Variants in XXYLT1 observed in about 807,000 individuals in gnomAD.
XXYLT1 encodes the protein xyloside xylosyltransferase 1.
In XXYLT1, 20 loss-of-function variants were observed where a neutral mutation model predicts 28.9. The ratio of observed to expected loss-of-function variants is 0.69; its 90% confidence interval spans 0.49 to 1.00. The LOEUF is 1.00. XXYLT1 is among the 50% of genes least tolerant of loss of function. The probability of loss-of-function intolerance (pLI) is 0.00; values close to 1 mark genes in which losing one functional copy is unlikely to be tolerated. For synonymous variants in XXYLT1, 257 were observed against 253.8 expected, an observed-to-expected ratio of 1.01 and a Z score of -0.12; for missense variants, 542 against 560.1, an observed-to-expected ratio of 0.97 and a Z score of 0.33.
Position 195,173,822 on chromosome 3 carries a change from C to G in XXYLT1, c.653-17241G>C, listed in dbSNP as rs1721530184. Reference sequence around the variant, plus strand: ...CCCAGCTCCCACCAGGGAGTCCCTCCTATGGGCCATGAGTGGCAATGACCT... The same window carrying G: ...CCCAGCTCCCACCAGGGAGTCCCTCGTATGGGCCATGAGTGGCAATGACCT... On this transcript the variant is annotated intron_variant, in intron 2 of 3. Transcript: ENST00000310380. This position sits in a 1 kb window ranked among gnomAD's most constrained non-coding sequence, Gnocchi z 4.3. 6.6e-6 allele frequency among the ~76,000 whole-genome samples: 1 copy of G among 152,220 alleles called. No homozygotes were observed. The highest frequency in any genetic ancestry group is 2.4e-5 in the African/African-American group (1 of 41,464).
At chr3:195,143,697 A>C (rs1162245573) in intron 3 of XXYLT1, among the ~76,000 whole-genome samples, 1 of 150,132 alleles carries the variant, frequency 6.7e-6, no homozygotes, top group Non-Finnish European at 1.5e-5. Context: ...TCTGAATCAC[A>C]TATGGGCTCT....
chr3:195,267,929 C>T (rs768701041), intron 1 of XXYLT1, among the ~76,000 whole-genome samples: 3 of 151,982 alleles, frequency 2.0e-5, no homozygotes, highest in Admixed American at 1.3e-4. Context: ...TAGAATCGCA[C>T]ATTTAAAGGA....
At chr3:195,242,863 G>T (rs2108826537) in intron 1 of XXYLT1, among the ~76,000 whole-genome samples, 1 of 152,278 alleles carries the variant, frequency 6.6e-6, no homozygotes, top group African/African-American at 2.4e-5. Context: ...CATGTTGAGT[G>T]AACCCAGTTT....
At chr3:195,190,377 C>T (rs139960303) in intron 2 of XXYLT1, among the ~76,000 whole-genome samples, 2 of 151,444 alleles carry the variant, frequency 1.3e-5, no homozygotes, top group African/African-American at 4.8e-5. Flanking sequence ...CACCTGTAGT[C>T]TCAGCTACAC....
chr3:195,226,749 G>A lies in XXYLT1; in HGVS notation c.612C>T (p.Ile204=). ...GATGCATGGCGACCGAGAGGAAGAAGATGGAGTCACTGTAGTAGGTTCCCA... is the reference window on the plus strand; with the variant it reads ...GATGCATGGCGACCGAGAGGAAGAAAATGGAGTCACTGTAGTAGGTTCCCA... The part of the protein sequence containing the change: ...AGLGTYYSDS[I]FFLSVAMHQI... Residue 204 remains isoleucine (I), a synonymous_variant, in exon 2 of 4, where the codon ATC becomes ATT. Coordinates refer to ENST00000310380, the MANE Select transcript of XXYLT1 (RefSeq NM_152531.5). 1 of 1,613,942 alleles carries A rather than the reference G, an allele frequency of 6.2e-7. No individual in the cohort carries two copies. Among genetic ancestry groups the A allele is most frequent in the Non-Finnish European group, 8.5e-7 (1 of 1,179,988 alleles).
At chr3:195,199,378 G>A (rs6778619) in intron 2 of XXYLT1, among the ~76,000 whole-genome samples, 7,705 of 152,186 alleles carry the variant, frequency 0.051, 597 homozygotes, top group African/African-American at 0.18. Context: ...TTGGGAGAGT[G>A]AGGCAGGTGG....
intron 1 of XXYLT1, among the ~76,000 whole-genome samples, chr3:195,238,870 T>TGTTCACTAA (rs1724663645): frequency 6.6e-6 from 1 of 152,198 alleles, no homozygotes; most frequent in Admixed American, 6.5e-5. Flanking sequence ...AAGGCCTCTG[T>TGTTCACTAA]GTTCACTAAG....
At chr3:195,239,161 A>AG (rs1724676429) in intron 1 of XXYLT1, among the ~76,000 whole-genome samples, 1 of 152,366 alleles carries the variant, frequency 6.6e-6, no homozygotes, top group African/African-American at 2.4e-5. Context: ...GCTTCATGGA[A>AG]TAGACTTTAT....
At chr3:195,142,727 A>C (rs898845759) in intron 3 of XXYLT1, among the ~76,000 whole-genome samples, 5 of 152,232 alleles carry the variant, frequency 3.3e-5, no homozygotes, top group African/African-American at 9.6e-5. Context: ...TGGGGTGCGT[A>C]TGCACGCTGG....
chr3:195,196,946 T>C (rs558142317), intron 2 of XXYLT1, among the ~76,000 whole-genome samples: 2 of 152,002 alleles, frequency 1.3e-5, no homozygotes, highest in Admixed American at 6.5e-5. Context: ...CTGGGACTAG[T>C]ATATCCTTTT....
At chr3:195,207,162 G>A (rs775383915) in intron 2 of XXYLT1, among the ~76,000 whole-genome samples, 18 of 152,198 alleles carry the variant, frequency 1.2e-4, no homozygotes, top group Non-Finnish European at 2.1e-4. Context: ...GATGGCTCGC[G>A]GGTCTGAGGA....
At chr3:195,094,431 C>G (rs1329652356) in intron 3 of XXYLT1, among the ~76,000 whole-genome samples, 2 of 152,202 alleles carry the variant, frequency 1.3e-5, no homozygotes, top group Non-Finnish European at 2.9e-5. Flanking sequence ...CAGAGTGGCC[C>G]GACCAGGCTT....
At chr3:195,203,106 C>A (rs569343232) in intron 2 of XXYLT1, among the ~76,000 whole-genome samples, 1 of 152,090 alleles carries the variant, frequency 6.6e-6, no homozygotes, top group East Asian at 1.9e-4. Context: ...ACCACACCTG[C>A]CCACAACACA....
In XXYLT1 at chr3:195,133,044, A is replaced by G. The variant is rs1487476223; in HGVS notation, c.785+23405T>C. 6.6e-6 allele frequency among the ~76,000 whole-genome samples: 1 copy of G among 152,236 alleles called. No individual in the cohort carries two copies. Among genetic ancestry groups the G allele is most frequent in the Non-Finnish European group, 1.5e-5 (1 of 68,034 alleles). ...CTGAGTTCTAGTGAAACAAAAGCTT[A>G]CAACATCATAAATAAAAAACCCTGC... is the stretch of plus-strand genomic sequence containing the variant. On this transcript the variant is annotated intron_variant, in intron 3 of 3. Transcript: ENST00000310380. This position sits in a 1 kb window ranked among gnomAD's most constrained non-coding sequence, Gnocchi z 4.4.
At chr3:195,215,560 C>A (rs558054605) in intron 2 of XXYLT1, among the ~76,000 whole-genome samples, 4,950 of 130,704 alleles carry the variant, frequency 0.038, 279 homozygotes, top group African/African-American at 0.14. Flanking sequence ...CAACAAAGAT[C>A]AAAAGAGACA....
chr3:195,207,894 C>T (rs1723141556), intron 2 of XXYLT1, among the ~76,000 whole-genome samples: 1 of 152,172 alleles, frequency 6.6e-6, no homozygotes, highest in Non-Finnish European at 1.5e-5. Context: ...CAGTTCCTCA[C>T]CATGCAGGCC....
intron 2 of XXYLT1, among the ~76,000 whole-genome samples, chr3:195,194,626 C>T (rs1722550796): frequency 6.6e-6 from 1 of 152,156 alleles, no homozygotes; most frequent in East Asian, 1.9e-4. Flanking sequence ...CAGCATTATT[C>T]ATAATAGCTC....
chr3:195,157,492 T>C (rs1280818009), intron 2 of XXYLT1, among the ~76,000 whole-genome samples: 1 of 152,160 alleles, frequency 6.6e-6, no homozygotes, highest in Non-Finnish European at 1.5e-5. Flanking sequence ...GATTCTTCAA[T>C]GTCACAATCA....
In XXYLT1 at chr3:195,180,267, G is replaced by A. The variant is rs113722524; in HGVS notation, c.653-23686C>T. ...ACCGGGGGTGGTGAGTGGCACACTC[G>A]GTCCCCCAGTTACAGGAAAGGTCCC... On this transcript the variant is annotated intron_variant, in intron 2 of 3. Coordinates refer to ENST00000310380, the MANE Select transcript of XXYLT1 (RefSeq NM_152531.5). This position sits in a 1 kb window ranked among gnomAD's most constrained non-coding sequence, Gnocchi z 5.8. 2,928 of 963,648 alleles carry A rather than the reference G, an allele frequency of 3.0e-3. 73 individuals carry two copies. In the African/African-American group the frequency reaches 0.048, roughly 16 times the overall value. 59.7% of individuals were successfully genotyped at this position (963,648 alleles called of 1,614,324 possible). A position where few individuals can be genotyped will look rare whatever the true frequency, so the allele number is the denominator to read the frequency against.
Sources: gnomAD v4.1 joint callset for allele counts (sites outside exome capture counted in the v4.1 genomes callset) on GRCh38, gnomAD v4.1.1 for gene constraint, Gnocchi (gnomAD v3.1) non-coding constraint, MANE v1.5 for transcripts, NCBI Gene and HGNC (gene_info 2026-07-23, HGNC 2026-07-21) for gene names.